Variants in ARHGAP39 observed in about 807,000 individuals in gnomAD.
ARHGAP39 encodes the protein Rho GTPase activating protein 39, also known as rho GTPase-activating protein 39.
ARHGAP39 carries 44 observed loss-of-function variants against 106.9 expected under a neutral mutation model. The observed-to-expected ratio is 0.41, with a 90% CI of 0.32 to 0.53. ARHGAP39 has a LOEUF of 0.53. ARHGAP39 is among the 20% of genes least tolerant of loss of function. The pLI, the probability that ARHGAP39 is intolerant of heterozygous loss-of-function variation, is 0.21. For synonymous variants in ARHGAP39, 768 were observed against 693.2 expected (o/e 1.11, Z -1.69); for missense variants, 1,496 against 1,577.3 (o/e 0.95, Z 0.87).
Position 144,604,721 on chromosome 8 carries a change from G to A in ARHGAP39, c.80+814C>T, listed in dbSNP as rs958924365. Among the ~76,000 whole-genome samples the A allele has an allele frequency of 6.6e-6, 1 of 152,184 alleles. No homozygotes were observed. Among genetic ancestry groups the A allele is most frequent in the African/African-American group, 2.4e-5 (1 of 41,438 alleles). ...GAGAGAGGCAGTCAGGGGCAGAGCT[G>A]ACCTGGAGGCATGGGACACTGGCTG... On this transcript the variant is annotated intron_variant, in intron 2 of 11. Coordinates refer to ENST00000377307, the MANE Select transcript of ARHGAP39 (RefSeq NM_025251.3). The surrounding 1 kb of genome is among the most constrained non-coding windows in gnomAD (Gnocchi z 4.1).
chr8:144,673,233 A>G (rs1822146435), intron 1 of ARHGAP39, among the ~76,000 whole-genome samples: 1 of 151,380 alleles, frequency 6.6e-6, no homozygotes, highest in East Asian at 1.9e-4. Context: ...AAAAAGAGGA[A>G]GAAAGAAAAG....
intron 3 of ARHGAP39, among the ~76,000 whole-genome samples, chr8:144,579,045 A>G (rs1818868730): frequency 6.6e-6 from 1 of 150,694 alleles, no homozygotes; most frequent in Non-Finnish European, 1.5e-5. Context: ...TACTAAAAAC[A>G]CAAAAAATTA....
intron 2 of ARHGAP39, among the ~76,000 whole-genome samples, chr8:144,583,693 T>G (rs901188345): frequency 1.4e-4 from 22 of 152,308 alleles, no homozygotes; most frequent in African/African-American, 5.1e-4. Flanking sequence ...GATCAAGAAT[T>G]TGTCATGTTG....
At chr8:144,603,624 A>G (rs979042361) in intron 2 of ARHGAP39, among the ~76,000 whole-genome samples, 1 of 148,696 alleles carries the variant, frequency 6.7e-6, no homozygotes, top group African/African-American at 2.5e-5. Flanking sequence ...CGGGAGGCGG[A>G]GCTTGCATTG....
chr8:144,629,812 A>T (rs1020432411), intron 1 of ARHGAP39, among the ~76,000 whole-genome samples: 1 of 151,970 alleles, frequency 6.6e-6, no homozygotes, highest in African/African-American at 2.4e-5. Context: ...TTTAAGCTGC[A>T]ATAGTGTTGG....
chr8:144,627,722 C>A (rs1820961930), intron 1 of ARHGAP39, among the ~76,000 whole-genome samples: 1 of 152,162 alleles, frequency 6.6e-6, no homozygotes, highest in South Asian at 2.1e-4. Flanking sequence ...GGTGCCACTG[C>A]ACTTCAGCCT....
intron 3 of ARHGAP39, among the ~76,000 whole-genome samples, chr8:144,558,870 C>T (rs922445322): frequency 1.1e-4 from 17 of 151,224 alleles, no homozygotes; most frequent in African/African-American, 3.9e-4. Context: ...GTCAGGAGTT[C>T]GAGACCAGCC....
chr8:144,575,445 C>CT (rs1485040175), intron 3 of ARHGAP39, among the ~76,000 whole-genome samples: 1 of 152,064 alleles, frequency 6.6e-6, no homozygotes, highest in African/African-American at 2.4e-5. Context: ...ATTCTATAAG[C>CT]TTTTTTAATT....
At position 144,670,158 on chromosome 8, in the gene ARHGAP39, A is replaced by T. The variant is rs542805964; in HGVS notation, c.-82+15528T>A. On this transcript the variant is annotated intron_variant, in intron 1 of 11. Coordinates refer to ENST00000377307, the MANE Select transcript of ARHGAP39 (RefSeq NM_025251.3). This position sits in a 1 kb window ranked among gnomAD's most constrained non-coding sequence, Gnocchi z 4.4. ...TGCATGCTAGAGCGTACCGGGAAGCAGGATCAGGGCCTGGGACCAGGCGGC... is the reference window on the plus strand; with the variant it reads ...TGCATGCTAGAGCGTACCGGGAAGCTGGATCAGGGCCTGGGACCAGGCGGC... 6.6e-6 allele frequency among the ~76,000 whole-genome samples: 1 copy of T among 151,872 alleles called. No individual in the cohort carries two copies. The highest frequency in any genetic ancestry group is 6.6e-5 in the Admixed American group (1 of 15,246).
At position 144,545,390 on chromosome 8, in the gene ARHGAP39, C is replaced by T; in HGVS notation, c.2380G>A (p.Glu794Lys). The change falls in exon 6 of 12, where the codon GAG becomes AAG. Residue 794 changes from glutamate (E) to lysine (K), a missense_variant. Coordinates refer to ENST00000377307, the MANE Select transcript of ARHGAP39 (RefSeq NM_025251.3). Reference sequence around the variant, plus strand: ...GCCAGGCTCTCCAGGCGGAAGTTCTCGGTGGTCTGCCGGCACAGCTGGATG... The same window carrying T: ...GCCAGGCTCTCCAGGCGGAAGTTCTTGGTGGTCTGCCGGCACAGCTGGATG... ...LYIQLCRQTT[E>K]NFRLESLARG... 1.9e-6 allele frequency: 3 copies of T among 1,595,482 alleles called. No homozygotes were observed. Among genetic ancestry groups the T allele is most frequent in the East Asian group, 2.3e-5 (1 of 44,430 alleles).
At chr8:144,564,407 A>C (rs1361236671) in intron 3 of ARHGAP39, among the ~76,000 whole-genome samples, 3 of 152,124 alleles carry the variant, frequency 2.0e-5, no homozygotes, top group Non-Finnish European at 4.4e-5. Context: ...TTTTGCTCAC[A>C]AGATGGAAGT....
At chr8:144,673,255 G>A (rs1822147657) in intron 1 of ARHGAP39, among the ~76,000 whole-genome samples, 1 of 151,376 alleles carries the variant, frequency 6.6e-6, no homozygotes, top group South Asian at 2.1e-4. Flanking sequence ...AACTGATCAG[G>A]GACTCATCGC....
intron 1 of ARHGAP39, among the ~76,000 whole-genome samples, chr8:144,626,587 T>G (rs2976598): frequency 0.9 from 96,891 of 107,938 alleles, 43,644 homozygotes; most frequent in Non-Finnish European, 0.95. Flanking sequence ...CACTGCGGCA[T>G]CCCCTGTCCC....
At chr8:144,615,352 T>C (rs1275790250) in intron 1 of ARHGAP39, among the ~76,000 whole-genome samples, 1 of 152,060 alleles carries the variant, frequency 6.6e-6, no homozygotes, top group African/African-American at 2.4e-5. Flanking sequence ...CAAGTCTGTA[T>C]CTTACAGAAA....
chr8:144,605,467 T>C, intron 2 of ARHGAP39, 68 bp downstream of exon 2: 1 of 1,510,440 alleles, frequency 6.6e-7, no homozygotes, highest in Non-Finnish European at 9.2e-7. Flanking sequence ...CTGCTTTCTC[T>C]GCAGGAAGAA....
chr8:144,572,337 T>C (rs536210624), intron 3 of ARHGAP39, among the ~76,000 whole-genome samples: 35 of 152,240 alleles, frequency 2.3e-4, no homozygotes, highest in Non-Finnish European at 4.3e-4. Context: ...TTTACAACCA[T>C]CTGACCTTTG....
chr8:144,663,660 C>T (rs1374600528), intron 1 of ARHGAP39, among the ~76,000 whole-genome samples: 1 of 152,180 alleles, frequency 6.6e-6, no homozygotes, highest in Non-Finnish European at 1.5e-5. Flanking sequence ...CAGCTACACC[C>T]ATTCCCCGGG....
chr8:144,620,713 C>T (rs1380539315), intron 1 of ARHGAP39, among the ~76,000 whole-genome samples: 1 of 152,266 alleles, frequency 6.6e-6, no homozygotes, highest in Non-Finnish European at 1.5e-5. Flanking sequence ...AGACCGCCCT[C>T]TCTGACCCCT....
chr8:144,629,585 A>G (rs953845707), intron 1 of ARHGAP39, among the ~76,000 whole-genome samples: 1 of 152,388 alleles, frequency 6.6e-6, no homozygotes, highest in Non-Finnish European at 1.5e-5. Flanking sequence ...AACCTGAAAG[A>G]CATCAGCAAA....
Sources: gnomAD v4.1 joint callset for allele counts (sites outside exome capture counted in the v4.1 genomes callset) on GRCh38, gnomAD v4.1.1 for gene constraint, Gnocchi (gnomAD v3.1) non-coding constraint, MANE v1.5 for transcripts, NCBI Gene and HGNC (gene_info 2026-07-23, HGNC 2026-07-21) for gene names.